MECOM: variants seen among roughly 807,000 people sequenced by gnomAD.
MECOM encodes MDS1 and EVI1 complex locus, also known as histone-lysine N-methyltransferase MECOM.
A neutral mutation model predicts 116.3 loss-of-function variants in MECOM; 13 were observed. That is an observed-to-expected ratio of 0.11 (90% confidence interval 0.07 to 0.18). The LOEUF is 0.18. Ranked by LOEUF, MECOM falls within the 10% of genes least tolerant of loss-of-function variation. The pLI is 1.00. For missense variants in MECOM, 1,299 were observed against 1,509.0 expected, an observed-to-expected ratio of 0.86 and a Z score of 2.31; for synonymous variants, 528 against 535.2, an observed-to-expected ratio of 0.99 and a Z score of 0.19.
chr3:169,389,400 T>C (rs1181704347), intron 1 of MECOM, among the ~76,000 whole-genome samples: 1 of 152,244 alleles, frequency 6.6e-6, no homozygotes, highest in Non-Finnish European at 1.5e-5. Flanking sequence ...TGGCTTATTC[T>C]GTTGTTAAGG....
chr3:169,385,172 A>G (rs1733113785), intron 1 of MECOM, among the ~76,000 whole-genome samples: 1 of 151,042 alleles, frequency 6.6e-6, no homozygotes, highest in Admixed American at 6.6e-5. Flanking sequence ...AGCTTATCCC[A>G]TGACCTCTGA....
intron 1 of MECOM, among the ~76,000 whole-genome samples, chr3:169,564,138 G>T (rs1039682543): frequency 6.6e-6 from 1 of 152,160 alleles, no homozygotes; most frequent in Non-Finnish European, 1.5e-5. Flanking sequence ...AGAGTAAATT[G>T]CAATAATCTT....
chr3:169,105,130 A>G (rs1038445275), intron 10 of MECOM, among the ~76,000 whole-genome samples: 1 of 152,166 alleles, frequency 6.6e-6, no homozygotes, highest in African/African-American at 2.4e-5. Flanking sequence ...GCCAGCAACC[A>G]CTGAAGCAAC....
At chr3:169,506,708 C>T (rs1294639887) in intron 1 of MECOM, among the ~76,000 whole-genome samples, 1 of 152,084 alleles carries the variant, frequency 6.6e-6, no homozygotes, top group African/African-American at 2.4e-5. Flanking sequence ...CTGTCTTTTC[C>T]TCTTTCATCT....
chr3:169,146,805 C>T (rs1237560265), intron 2 of MECOM: 14 of 1,108,314 alleles, frequency 1.3e-5, no homozygotes, highest in Non-Finnish European at 1.6e-5. Flanking sequence ...AATCAGCAGC[C>T]CCCAACGCTC....
Position 169,121,117 on chromosome 3 carries a change from A to G in MECOM, c.1071T>C (p.Phe357=). The change falls in exon 7 of 17, where the codon TTT becomes TTC. Residue 357 remains phenylalanine, a synonymous_variant. Transcript: ENST00000651503. ...AHACPECGKT[F]ATSSGLKQHK... is the part of the protein sequence containing the mutation. Reference sequence around the variant, plus strand: ...GTTGTTTGAGGCCCGACGAAGTGGCAAACGTTTTGCCACACTCCGGGCATG... The same window carrying G: ...GTTGTTTGAGGCCCGACGAAGTGGCGAACGTTTTGCCACACTCCGGGCATG... 6.2e-7 allele frequency: 1 copy of G among 1,613,680 alleles called. No individual in the cohort carries two copies. Among genetic ancestry groups the G allele is most frequent in the Non-Finnish European group, 8.5e-7 (1 of 1,179,826 alleles).
At chr3:169,273,329 A>G (rs1341860716) in intron 2 of MECOM, among the ~76,000 whole-genome samples, 2 of 152,212 alleles carry the variant, frequency 1.3e-5, no homozygotes, top group African/African-American at 2.4e-5. Flanking sequence ...TCAAAATGTT[A>G]AAGCCATATA....
chr3:169,559,106 A>G (rs2109352064), intron 1 of MECOM, among the ~76,000 whole-genome samples: 1 of 152,148 alleles, frequency 6.6e-6, no homozygotes, highest in Non-Finnish European at 1.5e-5. Context: ...TAGGACTGCC[A>G]ACAACCCACT....
At chr3:169,408,464 G>A (rs1225004926) in intron 1 of MECOM, among the ~76,000 whole-genome samples, 1 of 152,120 alleles carries the variant, frequency 6.6e-6, no homozygotes, top group African/African-American at 2.4e-5. Context: ...CAGGGACCAG[G>A]AATTAATATG....
At chr3:169,391,787 G>A (rs757723326) in intron 1 of MECOM, among the ~76,000 whole-genome samples, 3 of 152,082 alleles carry the variant, frequency 2.0e-5, no homozygotes, top group African/African-American at 7.2e-5. Flanking sequence ...ACTATGTATG[G>A]TCTCTGGAAA....
intron 1 of MECOM, among the ~76,000 whole-genome samples, chr3:169,575,990 C>G (rs554092381): frequency 6.6e-6 from 1 of 152,256 alleles, no homozygotes; most frequent in African/African-American, 2.4e-5. Context: ...TTCTAAGGTG[C>G]CTGTATACCC....
Position 169,244,960 on chromosome 3 carries a change from C to CA in MECOM, c.376-101129dup, listed in dbSNP as rs955238119. On this transcript the variant is annotated intron_variant, in intron 2 of 16. Transcript: ENST00000651503. ...TACAACAACCTCACTCCATCACACA[C>CA]AAAAAAACAAAAACAAACAACAGCA... Among the ~76,000 whole-genome samples the CA allele has an allele frequency of 3.3e-5, 5 of 151,882 alleles. No homozygotes were observed. The South Asian group carries it at 6.2e-4, about 19-fold the overall frequency.
chr3:169,444,090 CT>C (rs763710724), intron 1 of MECOM, among the ~76,000 whole-genome samples: 3 of 152,164 alleles, frequency 2.0e-5, no homozygotes, highest in African/African-American at 7.2e-5. Flanking sequence ...ATCCTTTGCC[CT>C]GTCTTTCCTA....
intron 1 of MECOM, among the ~76,000 whole-genome samples, chr3:169,551,315 G>A (rs1046931716): frequency 7.3e-5 from 11 of 151,622 alleles, no homozygotes; most frequent in African/African-American, 1.2e-4. Context: ...TAAATGTCCA[G>A]TGGTGATATC....
intron 2 of MECOM, among the ~76,000 whole-genome samples, chr3:169,338,930 G>T (rs1724033507): frequency 6.6e-6 from 1 of 152,078 alleles, no homozygotes; most frequent in Non-Finnish European, 1.5e-5. Flanking sequence ...TACATTCTCA[G>T]AGTAAAAATT....
chr3:169,359,677 A>G (rs916012751), intron 2 of MECOM, among the ~76,000 whole-genome samples: 4 of 151,782 alleles, frequency 2.6e-5, no homozygotes, highest in Non-Finnish European at 5.9e-5. Context: ...GAGAATCTCC[A>G]TGCTTTGGAA....
chr3:169,532,845 C>T (rs1169695063), intron 1 of MECOM, among the ~76,000 whole-genome samples: 5 of 150,024 alleles, frequency 3.3e-5, no homozygotes, highest in Admixed American at 3.3e-4. Flanking sequence ...ACCAGCAATA[C>T]CTCATTTTTA....
At chr3:169,608,787 G>GA (rs1173651943) in intron 1 of MECOM, among the ~76,000 whole-genome samples, 1 of 152,016 alleles carries the variant, frequency 6.6e-6, no homozygotes, top group Admixed American at 6.5e-5. Context: ...CTGCACAAAG[G>GA]AAAAAAACAT....
At chr3:169,484,578 C>A (rs1751867092) in intron 1 of MECOM, among the ~76,000 whole-genome samples, 2 of 152,096 alleles carry the variant, frequency 1.3e-5, no homozygotes, top group African/African-American at 4.8e-5. Flanking sequence ...CTTATATAAA[C>A]ACCTCAAAGA....
Sources: gnomAD v4.1 joint callset for allele counts (sites outside exome capture counted in the v4.1 genomes callset) on GRCh38, gnomAD v4.1.1 for gene constraint, MANE v1.5 for transcripts, NCBI Gene and HGNC (gene_info 2026-07-23, HGNC 2026-07-21) for gene names.